The following GRID2 variants were observed in gnomAD, a reference collection of about 807,000 sequenced individuals.
The protein encoded by GRID2 is glutamate receptor ionotropic, delta-2.
GRID2 carries 33 observed loss-of-function variants against 114.8 expected under a neutral mutation model. The observed-to-expected ratio is 0.29, with a 90% CI of 0.22 to 0.38. The LOEUF is 0.38. Among genes scored for constraint, GRID2 ranks in the 10% least tolerant of loss-of-function variants. GRID2 has a pLI of 1.00. For missense variants in GRID2, 1,184 were observed against 1,257.7 expected (o/e 0.94, Z 0.89); for synonymous variants, 505 against 449.9 (o/e 1.12, Z -1.55).
rs143538109 is a variant in GRID2, at chr4:93,739,312, A to G, written c.2361-29898A>G. Among the ~76,000 whole-genome samples the G allele has an allele frequency of 5.0e-3, 762 of 152,244 alleles. 6 individuals are homozygous for G. The highest frequency in any genetic ancestry group is 0.017 in the African/African-American group (720 of 41,542). On this transcript the variant is annotated intron_variant, in intron 14 of 15. Coordinates refer to ENST00000282020, the MANE Select transcript of GRID2 (RefSeq NM_001510.4). ...CTGTATAAACAATTTGGGTCCCGCCACAAACTAGGTACAATTTCTTCAACT... is the reference window on the plus strand; with the variant it reads ...CTGTATAAACAATTTGGGTCCCGCCGCAAACTAGGTACAATTTCTTCAACT...
At chr4:93,680,155 C>T (rs1435813526) in intron 14 of GRID2, among the ~76,000 whole-genome samples, 2 of 151,886 alleles carry the variant, frequency 1.3e-5, no homozygotes, top group African/African-American at 4.8e-5. Context: ...AACACCTCTA[C>T]ACGAATAAAC....
At chr4:93,798,866 C>T (rs1157436274) in intron 1 of GRID2, among the ~76,000 whole-genome samples, 2 of 152,150 alleles carry the variant, frequency 1.3e-5, no homozygotes, top group Non-Finnish European at 2.9e-5. Context: ...TGGTTGAGTG[C>T]TCTTATTATG....
At chr4:92,869,557 C>CT (rs1393281942) in intron 2 of GRID2, among the ~76,000 whole-genome samples, 1 of 152,084 alleles carries the variant, frequency 6.6e-6, no homozygotes, top group African/African-American at 2.4e-5. Flanking sequence ...ATCTAACATT[C>CT]TTTTTTAAAA....
At chr4:92,486,594 C>A (rs1722909524) in intron 1 of GRID2, among the ~76,000 whole-genome samples, 1 of 141,904 alleles carries the variant, frequency 7.0e-6, no homozygotes, top group Admixed American at 7.1e-5. Flanking sequence ...CACACACAAA[C>A]ACAGATAATA....
chr4:93,354,077 ATTAAC>A (rs1194228052), intron 8 of GRID2, among the ~76,000 whole-genome samples: 1 of 151,952 alleles, frequency 6.6e-6, no homozygotes, highest in South Asian at 2.1e-4. Flanking sequence ...ATTTACAATT[ATTAAC>A]TTATTTTATT....
chr4:92,990,287 GTATA>G (rs33925215), intron 2 of GRID2, among the ~76,000 whole-genome samples: 7,452 of 127,012 alleles, frequency 0.059, 395 homozygotes, highest in Admixed American at 0.11. Context: ...ATATGTGTGT[GTATA>G]TATATATATA....
intron 13 of GRID2, among the ~76,000 whole-genome samples, chr4:93,606,005 G>A (rs1460092680): frequency 5.9e-5 from 9 of 152,116 alleles, no homozygotes; most frequent in Admixed American, 3.3e-4. Flanking sequence ...GGTGGCTCAC[G>A]CCTGTAACCC....
At chr4:93,480,657 C>T (rs926294056) in intron 11 of GRID2, among the ~76,000 whole-genome samples, 1 of 152,058 alleles carries the variant, frequency 6.6e-6, no homozygotes, top group South Asian at 2.1e-4. Flanking sequence ...TATAGTTAGT[C>T]ATCCACACCA....
chr4:93,568,953 C>T (rs1390428451), intron 13 of GRID2, among the ~76,000 whole-genome samples: 1 of 152,166 alleles, frequency 6.6e-6, no homozygotes, highest in Non-Finnish European at 1.5e-5. Flanking sequence ...GCAAGATTTA[C>T]TTCCAACACC....
chr4:92,996,792 T>C (rs894791937), intron 2 of GRID2, among the ~76,000 whole-genome samples: 9 of 152,128 alleles, frequency 5.9e-5, no homozygotes, highest in African/African-American at 1.9e-4. Flanking sequence ...TTGTAGCAAA[T>C]ATAAGAGTCT....
chr4:93,489,711 TGAA>T (rs1362566190), intron 11 of GRID2, among the ~76,000 whole-genome samples: 6 of 151,910 alleles, frequency 3.9e-5, no homozygotes, highest in Non-Finnish European at 5.9e-5. Context: ...GACTTGCTAT[TGAA>T]GAAGATGTTT....
intron 14 of GRID2, among the ~76,000 whole-genome samples, chr4:93,764,316 C>T (rs1404854416): frequency 6.6e-6 from 1 of 151,756 alleles, no homozygotes; most frequent in Non-Finnish European, 1.5e-5. Flanking sequence ...TTTTTCTGTT[C>T]AATGGGATCA....
chr4:92,572,238 G>C (rs1396638766), intron 1 of GRID2, among the ~76,000 whole-genome samples: 3 of 152,150 alleles, frequency 2.0e-5, no homozygotes, highest in Admixed American at 1.3e-4. Flanking sequence ...ACTACCATCA[G>C]ATAATACTAT....
At chr4:93,721,745 C>T (rs1729390905) in intron 14 of GRID2, among the ~76,000 whole-genome samples, 1 of 151,722 alleles carries the variant, frequency 6.6e-6, no homozygotes, top group Non-Finnish European at 1.5e-5. Context: ...TTTAAAAGAC[C>T]TATAATTTAT....
chr4:92,492,864 C>T (rs904018043), intron 1 of GRID2, among the ~76,000 whole-genome samples: 2 of 152,210 alleles, frequency 1.3e-5, no homozygotes, highest in African/African-American at 4.8e-5. Flanking sequence ...CGCAGTGGCT[C>T]ATGCCTCTAA....
chr4:93,003,438 C>T (rs1721203391), intron 2 of GRID2, among the ~76,000 whole-genome samples: 1 of 151,960 alleles, frequency 6.6e-6, no homozygotes, highest in Non-Finnish European at 1.5e-5. Flanking sequence ...CTGCCTACAT[C>T]TATCTAAATT....
In GRID2 at chr4:93,772,107, A is replaced by C; in HGVS notation, c.2633A>C (p.His878Pro). 1.9e-6 allele frequency: 3 copies of C among 1,612,364 alleles called. No individual in the cohort carries two copies. Among genetic ancestry groups the C allele is most frequent in the Non-Finnish European group, 2.5e-6 (3 of 1,178,548 alleles). ...DDKEIDLEHL[H>P]RRVNSLCTDD... is the part of the protein sequence containing the mutation. ...AAGGAAATTGACCTGGAGCACCTCC[A>C]TAGACGTGTAAATAGCTTGTGCACA... Residue 878 changes from histidine to proline, a missense_variant, in exon 16 of 16, where the codon CAT becomes CCT. His to Pro is a moderately conservative substitution (Grantham distance 77, BLOSUM62 -2). Coordinates refer to ENST00000282020, the MANE Select transcript of GRID2 (RefSeq NM_001510.4).
chr4:93,086,944 T>C (rs1730374600), intron 3 of GRID2, among the ~76,000 whole-genome samples: 1 of 152,156 alleles, frequency 6.6e-6, no homozygotes, highest in Non-Finnish European at 1.5e-5. Context: ...CAAACATATA[T>C]TGAAATAATA....
At chr4:93,057,412 A>C (rs999942783) in intron 2 of GRID2, among the ~76,000 whole-genome samples, 1 of 152,034 alleles carries the variant, frequency 6.6e-6, no homozygotes, top group African/African-American at 2.4e-5. Flanking sequence ...ACTTGGTTCC[A>C]GAATTCTTTG....
Sources: gnomAD v4.1 joint callset for allele counts (sites outside exome capture counted in the v4.1 genomes callset) on GRCh38, gnomAD v4.1.1 for gene constraint, MANE v1.5 for transcripts, NCBI Gene and HGNC (gene_info 2026-07-23, HGNC 2026-07-21) for gene names.